Variants in TTC12 observed in about 807,000 individuals in gnomAD.
TTC12 encodes the protein tetratricopeptide repeat protein 12.
Under a neutral mutation model 90.1 loss-of-function variants are expected in TTC12, and 70 were observed. That is an observed-to-expected ratio of 0.78 (90% CI 0.64 to 0.95). The LOEUF (loss-of-function observed/expected upper bound fraction) is 0.95. Ranked by LOEUF, TTC12 falls within the 40% of genes least tolerant of loss-of-function variation. The pLI is 0.00. For synonymous variants in TTC12, 296 were observed against 311.5 expected (o/e 0.95, Z 0.53); for missense variants, 819 against 846.1 (o/e 0.97, Z 0.40).
intron 2 of TTC12, among the ~76,000 whole-genome samples, chr11:113,320,628 C>T (rs149373082): frequency 6.6e-6 from 1 of 152,330 alleles, no homozygotes; most frequent in Non-Finnish European, 1.5e-5. Flanking sequence ...TGGGCAAGAG[C>T]TCGGGATACA....
rs77710527 is a variant in TTC12 at position 113,365,189 on chromosome 11, C to T, written c.2042+129C>T. On this transcript the variant is annotated intron_variant, in intron 21 of 21. Transcript: ENST00000529221. ...AAGCCCTCATGCTTTCTGTGCAGAC[C>T]TAGGTTAAGCCCAGTAGCTGCTTCT... 2.2e-3 allele frequency: 1,752 copies of T among 804,760 alleles called. 29 individuals are homozygous for T. In the African/African-American group the frequency reaches 0.026, roughly 12 times the overall value. 49.9% of individuals were successfully genotyped at this position (804,760 alleles called of 1,614,324 possible). A position where few individuals can be genotyped will look rare whatever the true frequency, so the allele number is the denominator to read the frequency against.
At chr11:113,363,671 C>G (rs1246436962) in intron 19 of TTC12, among the ~76,000 whole-genome samples, 157 bp from the exon 20 acceptor site, 1 of 152,210 alleles carries the variant, frequency 6.6e-6, no homozygotes, top group East Asian at 1.9e-4. Context: ...CCAGCAGGGA[C>G]CATGCCTGCC....
intron 11 of TTC12, 124 bp downstream of exon 11, chr11:113,340,857 G>T (rs566566209): frequency 6.4e-6 from 5 of 785,828 alleles, no homozygotes; most frequent in African/African-American, 3.4e-5. Context: ...AGTCAGTAGT[G>T]GGGGGCTCTC....
At chr11:113,351,559 G>A (rs1407639975) in intron 15 of TTC12, among the ~76,000 whole-genome samples, 6 of 152,206 alleles carry the variant, frequency 3.9e-5, no homozygotes, top group Non-Finnish European at 4.4e-5. Context: ...GATAGAGTTC[G>A]TCAGTCTCCA....
At chr11:113,334,831 A>C in intron 7 of TTC12, 135 bp from the exon 8 acceptor site, 1 of 633,568 alleles carries the variant, frequency 1.6e-6, no homozygotes, top group Non-Finnish European at 2.7e-6. Flanking sequence ...CAAATGCATA[A>C]AAAAGTTTTG....
chr11:113,366,455 G>C, downstream of TTC12: 1 of 1,384,752 alleles, frequency 7.2e-7, no homozygotes, highest in Non-Finnish European at 9.6e-7. Flanking sequence ...AAGAGAGTGG[G>C]CATTAGGCTG....
At chr11:113,358,590 G>A (rs191222771) in intron 16 of TTC12, among the ~76,000 whole-genome samples, 200 of 152,194 alleles carry the variant, frequency 1.3e-3, no homozygotes, top group Middle Eastern at 6.8e-3. Flanking sequence ...ATGATTCCCC[G>A]AGGGCTAAAG....
At chr11:113,338,602 G>A (rs1165420053) in intron 8 of TTC12, among the ~76,000 whole-genome samples, 172 bp from the exon 9 acceptor site, 1 of 152,078 alleles carries the variant, frequency 6.6e-6, no homozygotes, top group East Asian at 1.9e-4. Flanking sequence ...AACTGGAGAC[G>A]CCTGAACAAA....
chr11:113,323,902 G>C, intron 3 of TTC12, 92 bp from the exon 4 acceptor site: 1 of 976,184 alleles, frequency 1.0e-6, no homozygotes, highest in South Asian at 1.5e-5. Context: ...CCTCTTGTTT[G>C]TAATTGATTT....
intron 21 of TTC12, among the ~76,000 whole-genome samples, chr11:113,372,563 T>C (rs1950413818): frequency 6.6e-6 from 1 of 152,242 alleles, no homozygotes; most frequent in Non-Finnish European, 1.5e-5. Flanking sequence ...ATTATTGTAC[T>C]TTAACTATTG....
intron 14 of TTC12, among the ~76,000 whole-genome samples, chr11:113,350,961 G>A (rs1949255771): frequency 6.6e-6 from 1 of 152,230 alleles, no homozygotes; most frequent in Non-Finnish European, 1.5e-5. Context: ...GGGTAAGTCA[G>A]CTTGGCAGAA....
At chr11:113,317,181 C>CA (rs1252056111) in intron 2 of TTC12, among the ~76,000 whole-genome samples, 1 of 152,312 alleles carries the variant, frequency 6.6e-6, no homozygotes, top group African/African-American at 2.4e-5. Flanking sequence ...TCATGACCCC[C>CA]ACATCTACAT....
intron 6 of TTC12, among the ~76,000 whole-genome samples, chr11:113,327,060 C>T (rs1947739317): frequency 6.6e-6 from 1 of 152,120 alleles, no homozygotes; most frequent in Admixed American, 6.5e-5. Flanking sequence ...TTGTGTTACT[C>T]TGAAATTATT....
chr11:113,365,395 A>C (rs1591223302), intron 21 of TTC12: 22 of 234,832 alleles, frequency 9.4e-5, no homozygotes, highest in East Asian at 2.6e-4. Flanking sequence ...CCTCCCTCCC[A>C]CTCCACCTCC....
At chr11:113,338,440 T>C (rs1948496779) in intron 8 of TTC12, among the ~76,000 whole-genome samples, 1 of 152,256 alleles carries the variant, frequency 6.6e-6, no homozygotes, top group Non-Finnish European at 1.5e-5. Context: ...CCTTTCTCAG[T>C]GCAAATATCA....
intron 13 of TTC12, among the ~76,000 whole-genome samples, chr11:113,345,814 A>G (rs1057000246): frequency 1.3e-5 from 2 of 152,092 alleles, no homozygotes; most frequent in Non-Finnish European, 1.5e-5. Context: ...ATGTAGCTAT[A>G]GCTATCATGA....
At position 113,359,447 on chromosome 11, in the gene TTC12, C is replaced by T; in HGVS notation, c.1531C>T (p.Pro511Ser). The change falls in exon 17 of 22, where the codon CCC becomes TCC. Residue 511 changes from proline to serine, a missense_variant. By Grantham distance (74) the Pro-to-Ser change is moderately conservative (BLOSUM62 -1). Coordinates refer to ENST00000529221, the MANE Select transcript of TTC12 (RefSeq NM_017868.4). ...CATGATGAACCTGTGTCTTCAGGCT[C>T]CCTTTGTCTCTGAGGTATGGCATTC... is the stretch of plus-strand genomic sequence containing the variant. ...GLMMNLCLQA[P>S]FVSEVWAVEV... 6.2e-7 allele frequency: 1 copy of T among 1,612,522 alleles called. No homozygotes were observed. The highest frequency in any genetic ancestry group is 1.1e-5 in the South Asian group (1 of 91,012).
intron 21 of TTC12, among the ~76,000 whole-genome samples, chr11:113,372,085 G>C (rs981596826): frequency 6.6e-6 from 1 of 152,164 alleles, no homozygotes; most frequent in Non-Finnish European, 1.5e-5. Flanking sequence ...CCCTAAAGGT[G>C]GGGGATAAAG....
chr11:113,316,796 G>C (rs1946966458), intron 2 of TTC12, among the ~76,000 whole-genome samples: 1 of 152,176 alleles, frequency 6.6e-6, no homozygotes, highest in African/African-American at 2.4e-5. Flanking sequence ...TCTCTCTCTA[G>C]ACAAGAAAGT....
Sources: gnomAD v4.1 joint callset for allele counts (sites outside exome capture counted in the v4.1 genomes callset) on GRCh38, gnomAD v4.1.1 for gene constraint, MANE v1.5 for transcripts, NCBI Gene and HGNC (gene_info 2026-07-23, HGNC 2026-07-21) for gene names.